The following ACOT12 variants were observed in gnomAD, a reference collection of about 807,000 sequenced individuals.
ACOT12 encodes the protein acetyl-coenzyme A thioesterase.
A neutral mutation model predicts 67.7 loss-of-function variants in ACOT12; 51 were observed. The observed-to-expected ratio is 0.75, with a 90% CI of 0.60 to 0.95. The LOEUF (loss-of-function observed/expected upper bound fraction) is 0.95, where lower values mean the gene tolerates loss of function less well. Among genes scored for constraint, ACOT12 ranks in the 40% least tolerant of loss-of-function variants. The pLI is 0.00. For missense variants in ACOT12, 734 were observed against 708.1 expected, an observed-to-expected ratio of 1.04 and a Z score of -0.41; for synonymous variants, 251 against 244.6, an observed-to-expected ratio of 1.03 and a Z score of -0.24.
chr5:81,339,716 A>G (rs74916199), intron 11 of ACOT12, among the ~76,000 whole-genome samples: 4,360 of 152,294 alleles, frequency 0.029, 87 homozygotes, highest in African/African-American at 0.059. Flanking sequence ...TGTTTCACAT[A>G]CCTGTGTGAT....
downstream of ACOT12, among the ~76,000 whole-genome samples, chr5:81,325,952 G>A (rs1293468819): frequency 1.3e-5 from 2 of 151,628 alleles, no homozygotes; most frequent in African/African-American, 4.8e-5. Flanking sequence ...TGGGACTACA[G>A]GCATGCACCA....
chr5:81,344,753 C>A, intron 8 of ACOT12, 138 bp downstream of exon 8: 1 of 1,087,916 alleles, frequency 9.2e-7, no homozygotes, highest in Non-Finnish European at 1.3e-6. Context: ...AGAAAAAAGC[C>A]CACTTCACTT....
chr5:81,335,697 AC>A lies in ACOT12; in HGVS notation c.1262+70del. The A allele has an allele frequency of 2.7e-6, 4 of 1,495,224 alleles. No homozygotes were observed. In the South Asian group the frequency reaches 5.0e-5, roughly 19 times the overall value. 92.6% of individuals were successfully genotyped at this position (1,495,224 alleles called of 1,614,324 possible). On this transcript the variant is annotated intron_variant, in intron 12 of 14. Transcript: ENST00000307624. ...GTCACACATTGGACGATGGAGATGG[AC>A]TTCAGTATGGAGATCATCTTTTACA...
chr5:81,361,974 C>A (rs1237043182), intron 4 of ACOT12, among the ~76,000 whole-genome samples: 1 of 152,104 alleles, frequency 6.6e-6, no homozygotes, highest in East Asian at 1.9e-4. Context: ...TTTCATGGGT[C>A]TCTTTGTGAT....
chr5:81,309,801 A>G, the ACOT12 span, among the ~76,000 whole-genome samples: 1 of 152,202 alleles, frequency 6.6e-6, no homozygotes, highest in Admixed American at 6.5e-5. Context: ...ACTATATTTT[A>G]TTGATTCTAA....
At chr5:81,376,988 G>C (rs775690257) in intron 2 of ACOT12, among the ~76,000 whole-genome samples, 2 of 152,124 alleles carry the variant, frequency 1.3e-5, no homozygotes, top group African/African-American at 2.4e-5. Flanking sequence ...AACTCATTCT[G>C]TGAGGCCAGC....
intron 2 of ACOT12, among the ~76,000 whole-genome samples, chr5:81,385,305 C>A (rs1303699151): frequency 1.3e-5 from 2 of 151,328 alleles, no homozygotes; most frequent in Non-Finnish European, 2.9e-5. Context: ...TAAATAAATA[C>A]AAAAAAAATT....
intron 1 of ACOT12, among the ~76,000 whole-genome samples, chr5:81,391,056 C>A (rs182337190): frequency 1.3e-5 from 2 of 152,152 alleles, no homozygotes; most frequent in African/African-American, 4.8e-5. Flanking sequence ...GTTAACCTGA[C>A]CAAACCAAAA....
intron 5 of ACOT12, among the ~76,000 whole-genome samples, chr5:81,350,005 G>A (rs115744776): frequency 0.013 from 2,001 of 152,232 alleles, 33 homozygotes; most frequent in South Asian, 0.022. Flanking sequence ...TTACTAATGA[G>A]TTCCAACATC....
intron 13 of ACOT12, among the ~76,000 whole-genome samples, chr5:81,331,727 A>G (rs1047844498): frequency 6.6e-6 from 1 of 152,204 alleles, no homozygotes; most frequent in African/African-American, 2.4e-5. Context: ...TAAGAATGAC[A>G]TTTATATAAG....
chr5:81,319,455 C>T, the ACOT12 span, among the ~76,000 whole-genome samples: 1 of 152,244 alleles, frequency 6.6e-6, no homozygotes, highest in Non-Finnish European at 1.5e-5. Flanking sequence ...CAGTGGCTCA[C>T]GCCCTTAATC....
chr5:81,325,222 C>T (rs1167825970), downstream of ACOT12, among the ~76,000 whole-genome samples: 1 of 152,168 alleles, frequency 6.6e-6, no homozygotes, highest in Non-Finnish European at 1.5e-5. Context: ...TTTATATTTT[C>T]TCAATGAATA....
At chr5:81,367,958 C>T (rs967944136) in intron 3 of ACOT12, among the ~76,000 whole-genome samples, 2 of 152,052 alleles carry the variant, frequency 1.3e-5, no homozygotes, top group African/African-American at 4.8e-5. Flanking sequence ...GATAAAAAGG[C>T]AAACTTCATA....
the ACOT12 span, among the ~76,000 whole-genome samples, chr5:81,309,859 T>C: frequency 6.6e-6 from 1 of 152,236 alleles, no homozygotes; most frequent in African/African-American, 2.4e-5. Context: ...GAATGTATCT[T>C]ACCGTTGGTG....
chr5:81,353,511 T>C (rs1561333742), intron 5 of ACOT12, among the ~76,000 whole-genome samples: 2 of 152,182 alleles, frequency 1.3e-5, no homozygotes, highest in South Asian at 2.1e-4. Context: ...ATTGAGGTCA[T>C]GCTAGCCCTA....
At chr5:81,315,983 T>TTA in the ACOT12 span, among the ~76,000 whole-genome samples, 1 of 152,198 alleles carries the variant, frequency 6.6e-6, no homozygotes, top group South Asian at 2.1e-4. Context: ...GGGGGGTGGA[T>TTA]TCTTGTCTGT....
the ACOT12 span, chr5:81,311,280 G>C: frequency 6.2e-7 from 1 of 1,614,032 alleles, no homozygotes; most frequent in Non-Finnish European, 8.5e-7. Flanking sequence ...CAGAATTCAG[G>C]TGAGATCTCT....
At position 81,330,526 on chromosome 5, in the gene ACOT12, A is replaced by G. The variant is rs746264273; in HGVS notation, c.1536T>C (p.His512=). 8.1e-6 allele frequency: 13 copies of G among 1,614,022 alleles called. No individual in the cohort carries two copies. Among genetic ancestry groups the G allele is most frequent in the Non-Finnish European group, 1.1e-5 (13 of 1,179,944 alleles). ...AGTAAGGAAGGATGCTAGCAGACAT[A>G]TGGTTAAAGTAAGATACCTGTTTCA... ...SNSCIVSYFN[H]MSASILPYFA... Residue 512 remains histidine (H), a synonymous_variant, in exon 15 of 15, where the codon CAT becomes CAC. Transcript: ENST00000307624.
intron 2 of ACOT12, among the ~76,000 whole-genome samples, chr5:81,378,273 G>A (rs1441039935): frequency 6.6e-6 from 1 of 152,090 alleles, no homozygotes; most frequent in East Asian, 1.9e-4. Flanking sequence ...TAGGAAAACT[G>A]GCTAGCCATA....
Sources: allele counts gnomAD v4.1 joint callset (sites outside exome capture counted in the v4.1 genomes callset), GRCh38; gene constraint gnomAD v4.1.1; transcripts MANE v1.5; gene names NCBI Gene and HGNC (gene_info 2026-07-23, HGNC 2026-07-21).